The following MAGI2 variants were observed in gnomAD, a reference collection of about 807,000 sequenced individuals.
MAGI2 encodes the protein membrane associated guanylate kinase, WW and PDZ domain containing 2.
A neutral mutation model predicts 133.3 loss-of-function variants in MAGI2; 35 were observed. That is an observed-to-expected ratio of 0.26 (90% CI 0.20 to 0.35). The LOEUF is 0.35. MAGI2 is among the 10% of genes least tolerant of loss of function. The pLI is 1.00. For missense variants in MAGI2, 1,636 were observed against 1,863.4 expected, an observed-to-expected ratio of 0.88 and a Z score of 2.25; for synonymous variants, 729 against 710.6, an observed-to-expected ratio of 1.03 and a Z score of -0.41.
chr7:78,421,805 A>G (rs1249823606), intron 6 of MAGI2, among the ~76,000 whole-genome samples: 9 of 152,208 alleles, frequency 5.9e-5, no homozygotes, highest in African/African-American at 2.2e-4. Flanking sequence ...CCCTGGTCTC[A>G]AAACAACAAA....
At chr7:78,283,355 T>C (rs1795819876) in intron 9 of MAGI2, among the ~76,000 whole-genome samples, 1 of 152,136 alleles carries the variant, frequency 6.6e-6, no homozygotes, top group Admixed American at 6.6e-5. Context: ...TAACAAGCTG[T>C]CCTTGAAAAG....
intron 2 of MAGI2, among the ~76,000 whole-genome samples, chr7:78,647,176 A>T: frequency 6.6e-6 from 1 of 152,230 alleles, no homozygotes; most frequent in African/African-American, 2.4e-5. Flanking sequence ...GAGCTTCTGC[A>T]CAGCAGAACT....
At chr7:79,401,598 T>C (rs1359023822) in intron 1 of MAGI2, among the ~76,000 whole-genome samples, 10 of 152,244 alleles carry the variant, frequency 6.6e-5, no homozygotes, top group African/African-American at 2.4e-4. Flanking sequence ...AGTCCAAACT[T>C]AGATACAAAG....
chr7:78,454,780 A>T (rs1451957219), intron 6 of MAGI2, among the ~76,000 whole-genome samples: 1 of 152,152 alleles, frequency 6.6e-6, no homozygotes, highest in Non-Finnish European at 1.5e-5. Flanking sequence ...TCATAAAAGT[A>T]CCTTAAATGC....
intron 1 of MAGI2, among the ~76,000 whole-genome samples, chr7:79,363,303 A>C (rs1038393871): frequency 6.7e-6 from 1 of 148,720 alleles, no homozygotes; most frequent in African/African-American, 2.5e-5. Flanking sequence ...TGATCTTCCA[A>C]TACACGAACA....
chr7:78,212,530 T>C (rs979735250), intron 10 of MAGI2, among the ~76,000 whole-genome samples: 3 of 152,142 alleles, frequency 2.0e-5, no homozygotes, highest in African/African-American at 7.2e-5. Flanking sequence ...TTCTAACAAC[T>C]ACAGAAAAGA....
At chr7:78,722,664 A>G (rs1453651076) in intron 2 of MAGI2, among the ~76,000 whole-genome samples, 1 of 152,118 alleles carries the variant, frequency 6.6e-6, no homozygotes, top group Admixed American at 6.5e-5. Flanking sequence ...ATCAGTTAAT[A>G]ACGTAAGCAG....
rs777232355 is a variant in MAGI2, at chr7:79,312,376, A to G, written c.301+140644T>C. Among the ~76,000 whole-genome samples the G allele has an allele frequency of 1.1e-3, 163 of 152,024 alleles. 2 individuals are homozygous for G. Among genetic ancestry groups the G allele is most frequent in the Non-Finnish European group, 2.2e-3 (152 of 68,002 alleles). ...CTCCATGCTATTCCAGAACTCCCCA[A>G]TCATGATCTTTGCTAGTGCTGTTCT... On this transcript the variant is annotated intron_variant, in intron 1 of 21. Coordinates refer to ENST00000354212, the MANE Select transcript of MAGI2 (RefSeq NM_012301.4).
At chr7:79,076,160 C>T (rs1815443501) in intron 1 of MAGI2, among the ~76,000 whole-genome samples, 1 of 152,300 alleles carries the variant, frequency 6.6e-6, no homozygotes, top group South Asian at 2.1e-4. Context: ...TATGGTGCAT[C>T]AAACTCACTG....
chr7:79,416,923 G>A (rs552191367), intron 1 of MAGI2, among the ~76,000 whole-genome samples: 103 of 151,464 alleles, frequency 6.8e-4, no homozygotes, highest in Non-Finnish European at 1.3e-3. Flanking sequence ...TAGTAGAGAC[G>A]GAGTTTCACC....
chr7:78,163,351 G>T (rs1825284316), intron 15 of MAGI2, among the ~76,000 whole-genome samples: 1 of 152,110 alleles, frequency 6.6e-6, no homozygotes, highest in Admixed American at 6.5e-5. Context: ...GTATTAGCCA[G>T]GATGTTCTCG....
At chr7:78,140,006 G>A (rs553353211) in intron 16 of MAGI2, among the ~76,000 whole-genome samples, 3 of 152,278 alleles carry the variant, frequency 2.0e-5, no homozygotes, top group Admixed American at 2.0e-4. Context: ...GAATTTGGAA[G>A]GGCTGGATTC....
chr7:78,648,374 G>A (rs988642935), intron 2 of MAGI2, among the ~76,000 whole-genome samples: 2 of 152,176 alleles, frequency 1.3e-5, no homozygotes, highest in East Asian at 3.9e-4. Context: ...ATAGGAAGAA[G>A]CCTTCATATA....
At chr7:79,294,830 C>T (rs1024113100) in intron 1 of MAGI2, among the ~76,000 whole-genome samples, 2 of 147,106 alleles carry the variant, frequency 1.4e-5, no homozygotes, top group Non-Finnish European at 3.0e-5. Context: ...CCCGGGTTCA[C>T]GCCATTCTCC....
At chr7:78,047,637 C>T (rs753139688) in intron 21 of MAGI2, among the ~76,000 whole-genome samples, 5 of 152,212 alleles carry the variant, frequency 3.3e-5, no homozygotes, top group Non-Finnish European at 7.3e-5. Context: ...TGCTCACCTG[C>T]AACACTGCCA....
chr7:78,996,272 A>C (rs1004679976), intron 2 of MAGI2, among the ~76,000 whole-genome samples: 1 of 152,192 alleles, frequency 6.6e-6, no homozygotes, highest in South Asian at 2.1e-4. Context: ...TGTGTGTTGT[A>C]AGATGTATGT....
At chr7:78,972,617 T>A (rs1803883750) in intron 2 of MAGI2, among the ~76,000 whole-genome samples, 1 of 151,968 alleles carries the variant, frequency 6.6e-6, no homozygotes, top group African/African-American at 2.4e-5. Flanking sequence ...CTCAATAGAA[T>A]GATGGGTAAA....
intron 6 of MAGI2, among the ~76,000 whole-genome samples, chr7:78,414,195 G>A (rs957227817): frequency 1.3e-5 from 2 of 151,898 alleles, no homozygotes; most frequent in Admixed American, 6.6e-5. Flanking sequence ...ATAAATGCCC[G>A]TAAATAAGGG....
chr7:78,573,346 AGAGAGAGAG>A (rs1271318288), intron 3 of MAGI2, among the ~76,000 whole-genome samples: 9 of 70,504 alleles, frequency 1.3e-4, no homozygotes, highest in African/African-American at 6.3e-4. Context: ...ATATATATAT[AGAGAGAGAG>A]AATCCTGGAA....
Sources: gnomAD v4.1 joint callset for allele counts (sites outside exome capture counted in the v4.1 genomes callset) on GRCh38, gnomAD v4.1.1 for gene constraint, MANE v1.5 for transcripts, NCBI Gene and HGNC (gene_info 2026-07-23, HGNC 2026-07-21) for gene names.